Variants in FAAP20 observed in about 807,000 individuals in gnomAD.
FAAP20 encodes the protein Fanconi anemia core complex-associated protein 20.
A neutral mutation model predicts 16.2 loss-of-function variants in FAAP20; 12 were observed. The observed-to-expected ratio is 0.74, with a 90% confidence interval of 0.48 to 1.20. FAAP20 has a LOEUF of 1.20. Ranked by LOEUF, FAAP20 falls within the 50% of genes most tolerant of loss-of-function variation. The pLI is 0.00. For synonymous variants in FAAP20, 141 were observed against 110.7 expected, an observed-to-expected ratio of 1.27 and a Z score of -1.72; for missense variants, 288 against 245.8, an observed-to-expected ratio of 1.17 and a Z score of -1.15.
chr1:2,198,795 C>G (rs142593122), upstream of FAAP20: 74 of 1,289,508 alleles, frequency 5.7e-5, no homozygotes, highest in African/African-American at 9.2e-4. Flanking sequence ...AGCCTTCTGA[C>G]GCAGCCAGGA....
At chr1:2,195,206 G>A (rs1056956815), upstream of FAAP20, among the ~76,000 whole-genome samples, 30 of 152,252 alleles carry the variant, frequency 2.0e-4, no homozygotes, top group African/African-American at 6.5e-4. Flanking sequence ...AAAAGGCGGG[G>A]AACTCAAGCT....
At chr1:2,193,968 T>A in intron 2 of FAAP20, 30 bp downstream of exon 2, 1 of 1,612,084 alleles carries the variant, frequency 6.2e-7, no homozygotes, top group Non-Finnish European at 8.5e-7. Flanking sequence ...GGAAACCCCT[T>A]CATCGCTAAG....
Position 2,193,305 on chromosome 1 carries a change from G to A in FAAP20, c.470+334C>T, listed in dbSNP as rs754368180. 73 of 502,798 alleles carry A rather than the reference G, an allele frequency of 1.5e-4. 1 individual carries two copies. Among genetic ancestry groups the A allele is most frequent in the Middle Eastern group, 1.1e-3 (2 of 1,894 alleles). The allele number at this position is 502,798 out of a possible 1,614,324, so 31.1% of individuals were successfully genotyped here. On this transcript the variant is annotated intron_variant, in intron 3 of 3. Coordinates refer to ENST00000378546, the MANE Select transcript of FAAP20 (RefSeq NM_182533.4). ...TTTAAAACCCATGACGCACTCTCGGGAAGGTGTTCCTGTGCTCTGGGCCTG... is the reference window on the plus strand; with the variant it reads ...TTTAAAACCCATGACGCACTCTCGGAAAGGTGTTCCTGTGCTCTGGGCCTG...
chr1:2,184,678 G>A, downstream of FAAP20: 1 of 1,613,678 alleles, frequency 6.2e-7, no homozygotes, highest in Non-Finnish European at 8.5e-7. Context: ...GCGAGCCCGT[G>A]CAGCTGACCC....
At chr1:2,198,742 G>C (rs558205180), upstream of FAAP20, 40 of 1,284,968 alleles carry the variant, frequency 3.1e-5, no homozygotes, top group Non-Finnish European at 4.0e-5. Context: ...ACGGTGCCCT[G>C]GCAGTGCTCA....
intron 1 of FAAP20, among the ~76,000 whole-genome samples, chr1:2,206,901 G>A (rs1689279277): frequency 6.6e-6 from 1 of 151,956 alleles, no homozygotes. Flanking sequence ...CTGCCTGGGA[G>A]GTGTGGCTCC....
At chr1:2,206,089 G>C (rs1322210236) in intron 3 of FAAP20, among the ~76,000 whole-genome samples, 1 of 152,146 alleles carries the variant, frequency 6.6e-6, no homozygotes, top group Non-Finnish European at 1.5e-5. Flanking sequence ...AGCATGGGAG[G>C]GGGGCAGGGC....
intron 3 of FAAP20, chr1:2,192,297 G>A: frequency 1.0e-6 from 1 of 986,558 alleles, no homozygotes; most frequent in Admixed American, 6.1e-5. Context: ...CAAAGTACCG[G>A]CTCTCCCTTA....
upstream of FAAP20, chr1:2,198,734 G>A (rs1385954670): frequency 7.8e-6 from 10 of 1,280,550 alleles, no homozygotes; most frequent in Middle Eastern, 2.8e-4. Context: ...ACCCACACAC[G>A]GTGCCCTGGC....
downstream of FAAP20, among the ~76,000 whole-genome samples, chr1:2,210,592 G>C (rs1489345773): frequency 1.3e-5 from 2 of 152,104 alleles, no homozygotes; most frequent in Non-Finnish European, 2.9e-5. Flanking sequence ...TGGCTCCTCG[G>C]GGCTCCTCCT....
upstream of FAAP20, among the ~76,000 whole-genome samples, chr1:2,194,963 G>A (rs1572122577): frequency 6.6e-6 from 1 of 152,012 alleles, no homozygotes; most frequent in East Asian, 2.0e-4. Context: ...GAGGGTGGGG[G>A]GCCCAGGTGG....
Position 2,194,714 on chromosome 1 carries a change from G to A in FAAP20, c.36C>T (p.Ser12=), listed in dbSNP as rs1453553718. ...EAARRPRLGL[S]RRRPRPAGGP... ...CGCCCGCCGGGCGCGGCCTCCGGCG[G>A]CTCAACCCCAGCCGCGGCCTCCGCG... is the stretch of plus-strand genomic sequence containing the variant. The change falls in exon 1 of 4, where the codon AGC becomes AGT. Residue 12 remains serine, a synonymous_variant. Coordinates refer to ENST00000378546, the MANE Select transcript of FAAP20 (RefSeq NM_182533.4). The A allele has an allele frequency of 8.4e-7, 1 of 1,186,922 alleles. No individual in the cohort carries two copies. The highest frequency in any genetic ancestry group is 1.0e-6 in the Non-Finnish European group (1 of 961,386). 73.5% of individuals were successfully genotyped at this position (1,186,922 alleles called of 1,614,324 possible).
In FAAP20 at chr1:2,192,732, G is replaced by C. The variant is rs951444359; in HGVS notation, c.470+907C>G. On this transcript the variant is annotated intron_variant, in intron 3 of 3. Coordinates refer to ENST00000378546, the MANE Select transcript of FAAP20 (RefSeq NM_182533.4). ...GGCTCAAGGGAATCCTCCCACTTCA[G>C]CCTCCAGAGTAGCTAGGACCACAGG... 9 of 1,136,106 alleles carry C rather than the reference G, an allele frequency of 7.9e-6. No homozygotes were observed. The African/African-American group carries it at 1.3e-4, about 16-fold the overall frequency. The allele number at this position is 1,136,106 out of a possible 1,614,324, so 70.4% of individuals were successfully genotyped here.
intron 3 of FAAP20, chr1:2,190,233 G>C (rs1363394677): frequency 2.2e-6 from 1 of 458,708 alleles, no homozygotes; most frequent in Non-Finnish European, 4.4e-6. Context: ...TCACGTCAGA[G>C]AATTGGTGTT....
chr1:2,201,349 G>A (rs565731742), upstream of FAAP20: 34 of 758,730 alleles, frequency 4.5e-5, no homozygotes, highest in Non-Finnish European at 5.5e-5. Flanking sequence ...TGGGACACCC[G>A]TGGGCAGGGA....
At chr1:2,205,624 G>A (rs1689231551) in intron 3 of FAAP20, among the ~76,000 whole-genome samples, 2 of 152,202 alleles carry the variant, frequency 1.3e-5, no homozygotes, top group African/African-American at 4.8e-5. Context: ...CGTCGAGCCT[G>A]CTTCGTTTCA....
upstream of FAAP20, among the ~76,000 whole-genome samples, chr1:2,201,474 C>T (rs1351232622): frequency 6.6e-6 from 1 of 152,222 alleles, no homozygotes; most frequent in Non-Finnish European, 1.5e-5. Context: ...CAAATCTCAG[C>T]ACTTTGGAAG....
chr1:2,201,384 A>C (rs545876098), upstream of FAAP20, among the ~76,000 whole-genome samples: 4 of 152,340 alleles, frequency 2.6e-5, no homozygotes, highest in Admixed American at 2.0e-4. Context: ...CCGGGGGCTT[A>C]GGTCTTCTTT....
chr1:2,205,852 G>A (rs1689239265), intron 3 of FAAP20, among the ~76,000 whole-genome samples: 2 of 152,270 alleles, frequency 1.3e-5, no homozygotes, highest in Non-Finnish European at 2.9e-5. Context: ...GAAGGGCATC[G>A]GGAGACACGG....
Sources: allele counts gnomAD v4.1 joint callset (sites outside exome capture counted in the v4.1 genomes callset), GRCh38; gene constraint gnomAD v4.1.1; transcripts MANE v1.5; gene names NCBI Gene and HGNC (gene_info 2026-07-23, HGNC 2026-07-21).